Variants in NRXN1 observed in about 807,000 individuals in gnomAD.
The protein encoded by NRXN1 is neurexin 1, also known as neurexin-1.
A neutral mutation model predicts 150.9 loss-of-function variants in NRXN1; 39 were observed. That is an observed-to-expected ratio of 0.26 (90% CI 0.20 to 0.34). NRXN1 has a LOEUF of 0.34. NRXN1 is among the 10% of genes least tolerant of loss of function. The pLI, the probability that NRXN1 is intolerant of heterozygous loss-of-function variation, is 1.00. For missense variants in NRXN1, 1,815 were observed against 1,949.9 expected (o/e 0.93, Z 1.30); for synonymous variants, 924 against 757.0 (o/e 1.22, Z -3.62).
At chr2:50,779,150 T>C (rs943754029) in intron 5 of NRXN1, among the ~76,000 whole-genome samples, 2 of 152,178 alleles carry the variant, frequency 1.3e-5, no homozygotes, top group African/African-American at 2.4e-5. Flanking sequence ...TATTAGGTAT[T>C]TCTCCTAATG....
intron 2 of NRXN1, among the ~76,000 whole-genome samples, chr2:51,016,560 T>C (rs1406486494): frequency 1.3e-5 from 2 of 152,134 alleles, no homozygotes; most frequent in African/African-American, 4.8e-5. Flanking sequence ...TGAGATACCA[T>C]GTCATAGCAG....
chr2:49,969,234 TA>T (rs1408437766), intron 21 of NRXN1, among the ~76,000 whole-genome samples: 3 of 152,042 alleles, frequency 2.0e-5, no homozygotes, highest in East Asian at 3.9e-4. Flanking sequence ...ACTACAAATC[TA>T]AAGAGTAGAT....
At chr2:50,038,504 A>G (rs1038819219) in intron 21 of NRXN1, among the ~76,000 whole-genome samples, 6 of 152,178 alleles carry the variant, frequency 3.9e-5, no homozygotes, top group Non-Finnish European at 7.3e-5. Context: ...TCCTACACAC[A>G]CAGCTGAACC....
chr2:50,210,853 A>T (rs2062964961), intron 18 of NRXN1, among the ~76,000 whole-genome samples: 1 of 151,582 alleles, frequency 6.6e-6, no homozygotes, highest in South Asian at 2.1e-4. Flanking sequence ...CAAATAAAAG[A>T]TATATTTAGC....
chr2:50,002,116 T>C (rs772704971), intron 21 of NRXN1, among the ~76,000 whole-genome samples: 2 of 151,934 alleles, frequency 1.3e-5, no homozygotes, highest in South Asian at 2.1e-4. Flanking sequence ...AATTCTGTGA[T>C]TGTAGTCTAG....
intron 17 of NRXN1, among the ~76,000 whole-genome samples, chr2:50,287,190 T>C (rs1240718962): frequency 6.6e-6 from 1 of 152,162 alleles, no homozygotes; most frequent in East Asian, 1.9e-4. Flanking sequence ...TTACATGTTT[T>C]GTGTACCTAG....
intron 17 of NRXN1, among the ~76,000 whole-genome samples, chr2:50,335,152 A>G (rs1473433510): frequency 6.6e-6 from 1 of 152,212 alleles, no homozygotes; most frequent in Admixed American, 6.5e-5. Flanking sequence ...ACATTTAAAC[A>G]TGGATGTTAA....
chr2:50,997,755 C>T (rs368420395), intron 2 of NRXN1, among the ~76,000 whole-genome samples: 4 of 141,440 alleles, frequency 2.8e-5, no homozygotes, highest in Non-Finnish European at 4.5e-5. Flanking sequence ...GCAATCCTCC[C>T]GCCTCCACTT....
intron 22 of NRXN1, among the ~76,000 whole-genome samples, chr2:49,936,838 A>ACACACACG (rs1157817136): frequency 6.6e-6 from 1 of 152,016 alleles, no homozygotes; most frequent in African/African-American, 2.4e-5. Context: ...ACACACACAC[A>ACACACACG]CACATATGAA....
At chr2:50,065,562 G>A (rs1031024140) in intron 19 of NRXN1, among the ~76,000 whole-genome samples, 1 of 152,128 alleles carries the variant, frequency 6.6e-6, no homozygotes, top group African/African-American at 2.4e-5. Context: ...GATTTATCAG[G>A]AGGATAATTT....
At chr2:50,704,774 T>C (rs936351872) in intron 5 of NRXN1, among the ~76,000 whole-genome samples, 1 of 151,816 alleles carries the variant, frequency 6.6e-6, no homozygotes, top group African/African-American at 2.4e-5. Context: ...CACAAATAAA[T>C]ACCAATGAAA....
At chr2:50,742,451 A>G (rs775817497) in intron 5 of NRXN1, among the ~76,000 whole-genome samples, 1 of 151,506 alleles carries the variant, frequency 6.6e-6, no homozygotes, top group Non-Finnish European at 1.5e-5. Context: ...TACTAAAAAT[A>G]ACAAAAATTA....
intron 21 of NRXN1, among the ~76,000 whole-genome samples, chr2:49,991,557 A>G (rs1016262609): frequency 6.6e-6 from 1 of 152,226 alleles, no homozygotes; most frequent in South Asian, 2.1e-4. Flanking sequence ...TCTTCTATAT[A>G]AGGAGAACTA....
In NRXN1 at chr2:50,927,405, G is replaced by A. The variant is rs553195706; in HGVS notation, c.773-1450C>T. On this transcript the variant is annotated intron_variant, in intron 2 of 22. Coordinates refer to ENST00000401669, the MANE Select transcript of NRXN1 (RefSeq NM_001330078.2). Reference sequence around the variant, plus strand: ...TTTACACAATACTTGGTTTTCCAGAGTTTATTTTTAAAGAAACAACAAAAA... The same window carrying A: ...TTTACACAATACTTGGTTTTCCAGAATTTATTTTTAAAGAAACAACAAAAA... Among the ~76,000 whole-genome samples, 14 of 152,016 alleles carry A rather than the reference G, an allele frequency of 9.2e-5. No individual in the cohort carries two copies. In the South Asian group the frequency reaches 1.5e-3, roughly 16 times the overall value.
Position 50,242,868 on chromosome 2 carries a change from T to C in NRXN1, c.3365-5898A>G, listed in dbSNP as rs562164281. ...TCACATCTTTGAGAAAGAGAATGCA[T>C]ATGCTCTTTATAAATGAAAGAAGGC... On this transcript the variant is annotated intron_variant, in intron 17 of 22. Coordinates refer to ENST00000401669, the MANE Select transcript of NRXN1 (RefSeq NM_001330078.2). 3.3e-5 allele frequency among the ~76,000 whole-genome samples: 5 copies of C among 151,858 alleles called. No homozygotes were observed. In the South Asian group the frequency reaches 1.0e-3, roughly 31 times the overall value.
At chr2:50,259,297 G>T (rs563739900) in intron 17 of NRXN1, among the ~76,000 whole-genome samples, 6 of 151,932 alleles carry the variant, frequency 3.9e-5, no homozygotes, top group African/African-American at 1.4e-4. Context: ...ATAACTTGCT[G>T]CAGCTTCTAC....
intron 5 of NRXN1, among the ~76,000 whole-genome samples, chr2:50,677,626 A>G (rs1689740924): frequency 1.3e-5 from 2 of 152,066 alleles, no homozygotes; most frequent in East Asian, 1.9e-4. Context: ...TGGCTGAGAG[A>G]CTAGACTGGA....
chr2:50,447,750 T>TATAC (rs1647362106), intron 17 of NRXN1, among the ~76,000 whole-genome samples: 1 of 52,948 alleles, frequency 1.9e-5, no homozygotes, highest in African/African-American at 6.7e-5. Context: ...TATATATATA[T>TATAC]ATATATATAT....
At chr2:50,002,591 A>G (rs746130890) in intron 21 of NRXN1, among the ~76,000 whole-genome samples, 2 of 152,100 alleles carry the variant, frequency 1.3e-5, no homozygotes, top group Non-Finnish European at 2.9e-5. Context: ...AGATCAAAAT[A>G]TTTGTCTTTT....
Sources: gnomAD v4.1 joint callset for allele counts (sites outside exome capture counted in the v4.1 genomes callset) on GRCh38, gnomAD v4.1.1 for gene constraint, MANE v1.5 for transcripts, NCBI Gene and HGNC (gene_info 2026-07-23, HGNC 2026-07-21) for gene names.